ISG20: variants seen among roughly 807,000 people sequenced by gnomAD.
ISG20 encodes interferon-stimulated gene 20 kDa protein.
In ISG20, 8 loss-of-function variants were observed where a neutral mutation model predicts 11.1. The observed-to-expected ratio is 0.72, with a 90% CI of 0.42 to 1.30. The LOEUF (loss-of-function observed/expected upper bound fraction) is 1.30. ISG20 is among the 50% of genes most tolerant of loss of function. The probability of loss-of-function intolerance (pLI) is 0.01; values close to 1 mark genes in which losing one functional copy is unlikely to be tolerated. For synonymous variants in ISG20, 110 were observed against 101.7 expected, an observed-to-expected ratio of 1.08 and a Z score of -0.49; for missense variants, 243 against 250.2, an observed-to-expected ratio of 0.97 and a Z score of 0.19.
chr15:88,655,900 G>C lies in ISG20; in HGVS notation c.*369G>C, dbSNP rs1346403621. ...TCCTGGTGCATTTATGCCCAGAGAG[G>C]TGGCATTATTTCCTGGGGTGGCATT... On this transcript the variant is annotated 3_prime_UTR_variant, in exon 4 of 4. Coordinates refer to ENST00000306072, the MANE Select transcript of ISG20 (RefSeq NM_002201.6). The C allele has an allele frequency of 1.2e-5, 2 of 168,464 alleles. No homozygotes were observed. The highest frequency in any genetic ancestry group is 4.8e-5 in the African/African-American group (2 of 41,646). The allele number at this position is 168,464 out of a possible 1,614,324, so 10.4% of individuals were successfully genotyped here.
intron 3 of ISG20, among the ~76,000 whole-genome samples, chr15:88,652,822 G>T (rs759129004): frequency 6.0e-5 from 9 of 150,968 alleles, no homozygotes; most frequent in Non-Finnish European, 1.2e-4. Context: ...AGTGAAGCTT[G>T]CTCCCACCAT....
chr15:88,649,672 C>G (rs570689083), intron 2 of ISG20: 1 of 155,554 alleles, frequency 6.4e-6, no homozygotes, highest in African/African-American at 2.4e-5. Context: ...TTCCCTTGAG[C>G]TGCTACTCTG....
At chr15:88,640,236 C>T (rs2141388256) in intron 2 of ISG20, among the ~76,000 whole-genome samples, 1 of 152,328 alleles carries the variant, frequency 6.6e-6, no homozygotes, top group South Asian at 2.1e-4. Context: ...CTCAGAAGGG[C>T]AGGCGAGCTC....
At chr15:88,641,593 T>A (rs575463078) in intron 2 of ISG20, among the ~76,000 whole-genome samples, 1 of 152,234 alleles carries the variant, frequency 6.6e-6, no homozygotes, top group Non-Finnish European at 1.5e-5. Flanking sequence ...CATGTTCACA[T>A]GGCATTCTCT....
At chr15:88,637,058 T>G (rs2057995713), upstream of ISG20, among the ~76,000 whole-genome samples, 1 of 152,160 alleles carries the variant, frequency 6.6e-6, no homozygotes, top group Non-Finnish European at 1.5e-5. Flanking sequence ...GAGAGGGGCT[T>G]ACCTTTGTAG....
At chr15:88,651,633 C>G (rs1416446302) in intron 2 of ISG20, 2 of 281,030 alleles carry the variant, frequency 7.1e-6, no homozygotes, top group East Asian at 1.5e-4. Flanking sequence ...CAGGTGATCT[C>G]CCCATTTGAA....
At chr15:88,641,315 C>T (rs2058077010) in intron 2 of ISG20, among the ~76,000 whole-genome samples, 1 of 152,120 alleles carries the variant, frequency 6.6e-6, no homozygotes, top group South Asian at 2.1e-4. Flanking sequence ...TTATTATCCC[C>T]ATATTACAGA....
chr15:88,654,741 C>T (rs1473331388), intron 3 of ISG20, among the ~76,000 whole-genome samples: 1 of 152,198 alleles, frequency 6.6e-6, no homozygotes, highest in Non-Finnish European at 1.5e-5. Context: ...AGAGGTTTAA[C>T]TTCAGCCTAG....
At chr15:88,638,555 A>G (rs988293294), upstream of ISG20, among the ~76,000 whole-genome samples, 3 of 152,160 alleles carry the variant, frequency 2.0e-5, no homozygotes, top group East Asian at 1.9e-4. Flanking sequence ...TCCCACCACA[A>G]GTTTCTCCTG....
At chr15:88,637,934 C>A (rs1203866491), upstream of ISG20, among the ~76,000 whole-genome samples, 1 of 152,184 alleles carries the variant, frequency 6.6e-6, no homozygotes, top group Non-Finnish European at 1.5e-5. Flanking sequence ...GGATGGGAAT[C>A]AAAAACTCTC....
intron 2 of ISG20, among the ~76,000 whole-genome samples, chr15:88,644,979 A>G (rs370092610): frequency 1.3e-5 from 2 of 152,204 alleles, no homozygotes; most frequent in African/African-American, 4.8e-5. Flanking sequence ...CGGGGCCTGG[A>G]CGCCTCAGTC....
In ISG20 at chr15:88,650,171, TG is replaced by T; in HGVS notation, c.229-1936del. ...AAGGCTGTCCTAGAGCTGTCCAAAG[TG>T]GGCCTGGACTAGCCACGAGCCGCCC... On this transcript the variant is annotated intron_variant, in intron 2 of 3. Coordinates refer to ENST00000306072, the MANE Select transcript of ISG20 (RefSeq NM_002201.6). This position sits in a 1 kb window ranked among gnomAD's most constrained non-coding sequence, Gnocchi z 4.0. 7.4e-7 allele frequency: 1 copy of T among 1,351,010 alleles called. No homozygotes were observed. Among genetic ancestry groups the T allele is most frequent in the Non-Finnish European group, 1.0e-6 (1 of 978,778 alleles). 83.7% of individuals were successfully genotyped at this position (1,351,010 alleles called of 1,614,324 possible).
chr15:88,640,399 C>G (rs1317916282), intron 2 of ISG20, among the ~76,000 whole-genome samples: 1 of 152,076 alleles, frequency 6.6e-6, no homozygotes, highest in Non-Finnish European at 1.5e-5. Context: ...ATGCACTGGC[C>G]GCTCCCCTAA....
At chr15:88,647,673 CTGGCGAGTTAA>C (rs2058201342) in intron 2 of ISG20, 1 of 152,216 alleles carries the variant, frequency 6.6e-6, no homozygotes, top group Non-Finnish European at 1.5e-5. Context: ...TGGGTCCCAC[CTGGCGAGTTAA>C]TGTTTTTCTT....
Position 88,650,047 on chromosome 15 carries a change from C to G in ISG20, c.229-2063C>G, listed in dbSNP as rs2058247105. 1.7e-6 allele frequency: 1 copy of G among 592,402 alleles called. No homozygotes were observed. Among genetic ancestry groups the G allele is most frequent in the African/African-American group, 1.9e-5 (1 of 53,956 alleles). 36.7% of individuals were successfully genotyped at this position (592,402 alleles called of 1,614,324 possible). A position where few individuals can be genotyped will look rare whatever the true frequency, so the allele number is the denominator to read the frequency against. ...GATGTTCCAGGAGGCCGCTGGCTAT[C>G]TAGAAGGAGAAGCAGGCTACGGGGA... On this transcript the variant is annotated intron_variant, in intron 2 of 3. Coordinates refer to ENST00000306072, the MANE Select transcript of ISG20 (RefSeq NM_002201.6). The surrounding 1 kb of genome is among the most constrained non-coding windows in gnomAD (Gnocchi z 4.0).
intron 2 of ISG20, among the ~76,000 whole-genome samples, chr15:88,641,992 G>A (rs1363616132): frequency 6.9e-6 from 1 of 144,318 alleles, no homozygotes; most frequent in East Asian, 2.2e-4. Context: ...GGACTGCAGT[G>A]GCACGATCTC....
At position 88,639,945 on chromosome 15, in the gene ISG20, A is replaced by G. The variant is rs2141387884; in HGVS notation, c.228+351A>G. 6.6e-6 allele frequency among the ~76,000 whole-genome samples: 1 copy of G among 152,276 alleles called. No homozygotes were observed. The highest frequency in any genetic ancestry group is 1.5e-5 in the Non-Finnish European group (1 of 68,016). The stretch of plus-strand genomic sequence containing the variant: ...CACTGGTGAGACCTGTGGGGAAATG[A>G]GAGGATTCTTGGCTGAGGCTCTGGC... On this transcript the variant is annotated intron_variant, in intron 2 of 3. Coordinates refer to ENST00000306072, the MANE Select transcript of ISG20 (RefSeq NM_002201.6). This position sits in a 1 kb window ranked among gnomAD's most constrained non-coding sequence, Gnocchi z 4.2.
At chr15:88,651,088 C>A in intron 2 of ISG20, 1 of 495,686 alleles carries the variant, frequency 2.0e-6, no homozygotes, top group Non-Finnish European at 2.6e-6. Flanking sequence ...TATAGAATTG[C>A]GGTCCCAGAG....
chr15:88,640,945 G>A (rs1295395815), intron 2 of ISG20, among the ~76,000 whole-genome samples: 5 of 146,214 alleles, frequency 3.4e-5, no homozygotes, highest in Non-Finnish European at 4.5e-5. Flanking sequence ...ACAGAGCCAG[G>A]AAAAAAAAAA....
Sources: allele counts gnomAD v4.1 joint callset (sites outside exome capture counted in the v4.1 genomes callset), GRCh38; gene constraint gnomAD v4.1.1; non-coding constraint Gnocchi (gnomAD v3.1); transcripts MANE v1.5; gene names NCBI Gene and HGNC (gene_info 2026-07-23, HGNC 2026-07-21).